The following GPHN variants were observed in gnomAD, a reference collection of about 807,000 sequenced individuals.
GPHN encodes the protein gephyrin.
A neutral mutation model predicts 95.5 loss-of-function variants in GPHN; 17 were observed. The ratio of observed to expected loss-of-function variants is 0.18; its 90% CI spans 0.12 to 0.27. The LOEUF (loss-of-function observed/expected upper bound fraction) is 0.27, where lower values mean the gene tolerates loss of function less well. Ranked by LOEUF, GPHN falls within the 10% of genes least tolerant of loss-of-function variation. GPHN has a pLI of 1.00. For missense variants in GPHN, 660 were observed against 978.1 expected (o/e 0.67, Z 4.34); for synonymous variants, 320 against 322.5 (o/e 0.99, Z 0.08).
chr14:66,866,223 A>G (rs1198369377), intron 4 of GPHN, among the ~76,000 whole-genome samples: 1 of 152,134 alleles, frequency 6.6e-6, no homozygotes, highest in Non-Finnish European at 1.5e-5. Context: ...TTTTTCCTCC[A>G]TATCTACATA....
the GPHN span, chr14:67,395,660 C>T: frequency 8.1e-7 from 1 of 1,232,604 alleles, no homozygotes; most frequent in Non-Finnish European, 1.2e-6. Context: ...TGACGGGGCC[C>T]CGGGAGAATC....
chr14:67,153,585 G>T (rs2081408725), intron 18 of GPHN, among the ~76,000 whole-genome samples: 1 of 152,164 alleles, frequency 6.6e-6, no homozygotes, highest in African/African-American at 2.4e-5. Flanking sequence ...TGGGGGTGGG[G>T]AGGGACATAT....
chr14:67,376,325 A>G, the GPHN span: 7 of 1,038,258 alleles, frequency 6.7e-6, no homozygotes, highest in Non-Finnish European at 9.5e-6. Context: ...CCCTATGGAG[A>G]TCTTTTATTG....
intron 1 of GPHN, among the ~76,000 whole-genome samples, chr14:66,677,628 T>C (rs2066682420): frequency 6.6e-6 from 1 of 152,150 alleles, no homozygotes; most frequent in Non-Finnish European, 1.5e-5. Flanking sequence ...TTTACTCCAT[T>C]ATGGTTTGAG....
chr14:67,674,479 G>C, the GPHN span: 1 of 1,605,544 alleles, frequency 6.2e-7, no homozygotes, highest in African/African-American at 1.3e-5. Context: ...GGAGGCGGCG[G>C]AGGAGGCCAT....
chr14:67,648,237 G>C, the GPHN span: 1 of 1,550,066 alleles, frequency 6.5e-7, no homozygotes, highest in East Asian at 2.3e-5. Flanking sequence ...ATATGCTAGA[G>C]TCTCTTGCCT....
At chr14:66,785,887 G>A (rs184123649) in intron 3 of GPHN, among the ~76,000 whole-genome samples, 2 of 152,126 alleles carry the variant, frequency 1.3e-5, no homozygotes, top group Non-Finnish European at 2.9e-5. Flanking sequence ...CAAAAAATCT[G>A]TAAAGCAGTG....
chr14:66,944,112 G>A (rs2067593596), intron 8 of GPHN, among the ~76,000 whole-genome samples: 1 of 152,182 alleles, frequency 6.6e-6, no homozygotes, highest in Non-Finnish European at 1.5e-5. Context: ...CCTATAATTT[G>A]AATATCCACT....
intron 2 of GPHN, among the ~76,000 whole-genome samples, chr14:66,759,955 A>G (rs1051029292): frequency 6.6e-6 from 1 of 152,212 alleles, no homozygotes; most frequent in African/African-American, 2.4e-5. Context: ...CATGTATACA[A>G]TTACTAAGAT....
At chr14:66,797,582 G>A (rs949029044) in intron 3 of GPHN, among the ~76,000 whole-genome samples, 6 of 151,650 alleles carry the variant, frequency 4.0e-5, no homozygotes, top group South Asian at 2.1e-4. Context: ...ATTTACTTTT[G>A]TGTGTGGCTA....
At chr14:67,046,494 T>G (rs2075026165) in intron 10 of GPHN, among the ~76,000 whole-genome samples, 1 of 152,196 alleles carries the variant, frequency 6.6e-6, no homozygotes, top group African/African-American at 2.4e-5. Context: ...AAGGGTTTTA[T>G]ATACTATTCT....
chr14:66,974,063 A>G (rs1005812953), intron 9 of GPHN, among the ~76,000 whole-genome samples: 1 of 152,130 alleles, frequency 6.6e-6, no homozygotes, highest in South Asian at 2.1e-4. Flanking sequence ...TTCTGCCCTA[A>G]TTCTCTGTTA....
the GPHN span, chr14:67,729,127 G>A: frequency 1.2e-5 from 19 of 1,520,888 alleles, no homozygotes; most frequent in African/African-American, 2.5e-4. Flanking sequence ...TTTGCTGCAG[G>A]AGATAAGCTG....
At chr14:67,730,349 G>T in the GPHN span, among the ~76,000 whole-genome samples, 1 of 152,172 alleles carries the variant, frequency 6.6e-6, no homozygotes, top group African/African-American at 2.4e-5. Context: ...GGCTAGTCCA[G>T]ATTGAGATGC....
At chr14:67,532,966 A>C in the GPHN span, among the ~76,000 whole-genome samples, 1 of 151,990 alleles carries the variant, frequency 6.6e-6, no homozygotes, top group Non-Finnish European at 1.5e-5. Flanking sequence ...GCCTCCTCGG[A>C]GAGCTCCGGG....
intron 4 of GPHN, among the ~76,000 whole-genome samples, chr14:66,826,207 T>G (rs575937534): frequency 2.5e-4 from 38 of 152,210 alleles, no homozygotes; most frequent in Middle Eastern, 3.2e-3. Context: ...CACAAAATGT[T>G]TTGTATCCTA....
chr14:67,347,376 G>C, the GPHN span: 3 of 1,545,016 alleles, frequency 1.9e-6, no homozygotes, highest in Non-Finnish European at 1.8e-6. Context: ...AAATCCCAGA[G>C]ACACAAAGTA....
chr14:66,697,671 TTTTTCTTTTTTCTTTTTTC>T (rs2068196707), intron 2 of GPHN, among the ~76,000 whole-genome samples: 1 of 114,682 alleles, frequency 8.7e-6, no homozygotes, highest in Non-Finnish European at 1.7e-5. Context: ...GCCTTTTTTT[TTTTTCTTTTTTCTTTTTTC>T]TTTTCTTTTT....
intron 5 of GPHN, among the ~76,000 whole-genome samples, chr14:66,890,365 A>G (rs1008744382): frequency 3.4e-5 from 5 of 147,528 alleles, no homozygotes; most frequent in African/African-American, 1.3e-4. Context: ...AGCCCTGATC[A>G]TGCGCACTGC....
Sources: allele counts gnomAD v4.1 joint callset (sites outside exome capture counted in the v4.1 genomes callset), GRCh38; gene constraint gnomAD v4.1.1; transcripts MANE v1.5; gene names NCBI Gene and HGNC (gene_info 2026-07-23, HGNC 2026-07-21).